The following GLP1R variants were observed in gnomAD, a reference collection of about 807,000 sequenced individuals.
GLP1R encodes glucagon-like peptide 1 receptor.
GLP1R carries 32 observed loss-of-function variants against 68.4 expected under a neutral mutation model. That is an observed-to-expected ratio of 0.47 (90% CI 0.35 to 0.63). The LOEUF (loss-of-function observed/expected upper bound fraction) is 0.63, where lower values mean the gene tolerates loss of function less well. Among genes scored for constraint, GLP1R ranks in the 20% least tolerant of loss-of-function variants. The pLI, the probability that GLP1R is intolerant of heterozygous loss-of-function variation, is 0.00. For missense variants in GLP1R, 502 were observed against 594.9 expected (o/e 0.84, Z 1.62); for synonymous variants, 263 against 244.4 (o/e 1.08, Z -0.71).
intron 12 of GLP1R, among the ~76,000 whole-genome samples, chr6:39,081,357 T>C (rs1769008807): frequency 6.6e-6 from 1 of 152,208 alleles, no homozygotes; most frequent in Non-Finnish European, 1.5e-5. Context: ...TACCCCATTC[T>C]TCATACACAC....
intron 4 of GLP1R, 36 bp from the exon 5 acceptor site, chr6:39,066,161 C>T (rs1484409411): frequency 2.5e-6 from 3 of 1,184,510 alleles, no homozygotes; most frequent in South Asian, 1.3e-5. Context: ...GGGCCATGGG[C>T]TGCCCATGTA....
Position 39,086,437 on chromosome 6 carries a change from T to TCAA in GLP1R, c.*366_*368dup, listed in dbSNP as rs1292884736. On this transcript the variant is annotated 3_prime_UTR_variant, in exon 13 of 13. Transcript: ENST00000373256. This position sits in a 1 kb window ranked among gnomAD's most constrained non-coding sequence, Gnocchi z 4.5. ...ATCAACCCCAGACTCAAACTCAAGG[T>TCAA]CAACGGCTTATTAGTGAAACTGGGG... 5.2e-6 allele frequency: 1 copy of TCAA among 192,970 alleles called. No individual in the cohort carries two copies. Among genetic ancestry groups the TCAA allele is most frequent in the African/African-American group, 2.3e-5 (1 of 42,896 alleles). The allele number at this position is 192,970 out of a possible 1,614,324, so 12.0% of individuals were successfully genotyped here.
intron 1 of GLP1R, among the ~76,000 whole-genome samples, chr6:39,055,305 T>C (rs967260076): frequency 2.0e-5 from 3 of 152,270 alleles, no homozygotes; most frequent in Non-Finnish European, 1.5e-5. Flanking sequence ...TTTTAAATTA[T>C]GTATGGGTCC....
chr6:39,065,805 C>T lies in GLP1R; in HGVS notation c.378C>T (p.Cys126=), dbSNP rs762900692. The T allele has an allele frequency of 6.2e-6, 10 of 1,604,088 alleles. No homozygotes were observed. The highest frequency in any genetic ancestry group is 3.4e-5 in the South Asian group (3 of 89,124). The part of the protein sequence containing the change: ...SSLPWRDLSE[C]EESKRGERSS... ...TGCCCTGGAGGGACTTGTCGGAGTG[C>T]GAGGAGTCCAAGCGAGGGGAAAGAG... Residue 126 remains cysteine, a synonymous_variant, in exon 4 of 13, where the codon TGC becomes TGT. Coordinates refer to ENST00000373256, the MANE Select transcript of GLP1R (RefSeq NM_002062.5).
intron 1 of GLP1R, among the ~76,000 whole-genome samples, chr6:39,055,220 G>T (rs1183860433): frequency 1.3e-5 from 2 of 152,218 alleles, no homozygotes; most frequent in African/African-American, 4.8e-5. Context: ...AGGCAAGGGG[G>T]CAAGCTTCTA....
At chr6:39,066,378 A>C (rs1435492766) in intron 5 of GLP1R, 75 bp downstream of exon 5, 4 of 776,990 alleles carry the variant, frequency 5.1e-6, no homozygotes, top group Non-Finnish European at 8.9e-6. Context: ...GCAGCCCAAC[A>C]CCAAATCAAA....
At chr6:39,056,308 A>C in intron 1 of GLP1R, 89 bp from the exon 2 acceptor site, 1 of 666,786 alleles carries the variant, frequency 1.5e-6, no homozygotes, top group Non-Finnish European at 2.7e-6. Context: ...GGTTTCATGG[A>C]GATTGAGAAA....
At chr6:39,066,171 A>G in intron 4 of GLP1R, 26 bp from the exon 5 acceptor site, 1 of 1,278,534 alleles carries the variant, frequency 7.8e-7, no homozygotes. Flanking sequence ...CTGCCCATGT[A>G]CACGTATGTC....
chr6:39,086,667 CTTTG>C lies in GLP1R; in HGVS notation c.*599_*602del, dbSNP rs1182577265. 2 of 152,802 alleles carry C rather than the reference CTTTG, an allele frequency of 1.3e-5. No individual in the cohort carries two copies. The highest frequency in any genetic ancestry group is 2.1e-4 in the South Asian group (1 of 4,828). 9.5% of individuals were successfully genotyped at this position (152,802 alleles called of 1,614,324 possible). On this transcript the variant is annotated 3_prime_UTR_variant, in exon 13 of 13. Transcript: ENST00000373256. This position sits in a 1 kb window ranked among gnomAD's most constrained non-coding sequence, Gnocchi z 4.5. ...CACTGCCCAGTTTCTTTTTGAGGGG[CTTTG>C]TTTGGGCCACTGCCAGCAGCTGTTT... is the stretch of plus-strand genomic sequence containing the variant.
At chr6:39,066,975 A>G (rs1383547732) in intron 5 of GLP1R, among the ~76,000 whole-genome samples, 1 of 152,176 alleles carries the variant, frequency 6.6e-6, no homozygotes, top group Non-Finnish European at 1.5e-5. Flanking sequence ...CAATAAATGC[A>G]TTCACTCAAT....
At position 39,089,324 on chromosome 6, in the gene GLP1R, A is replaced by G. The variant is rs1769220868; in HGVS notation, c.*3251A>G. 6.6e-6 allele frequency among the ~76,000 whole-genome samples: 1 copy of G among 152,060 alleles called. No homozygotes were observed. Among genetic ancestry groups the G allele is most frequent in the Non-Finnish European group, 1.5e-5 (1 of 68,010 alleles). On this transcript the variant is annotated 3_prime_UTR_variant, in exon 13 of 13. Coordinates refer to ENST00000373256, the MANE Select transcript of GLP1R (RefSeq NM_002062.5). This position sits in a 1 kb window ranked among gnomAD's most constrained non-coding sequence, Gnocchi z 4.1. ...CCTCTCTATGTGTTTGAAAAGTTGTATTGATAGTCACACAGAGTGTACTAA... is the reference window on the plus strand; with the variant it reads ...CCTCTCTATGTGTTTGAAAAGTTGTGTTGATAGTCACACAGAGTGTACTAA...
At chr6:39,053,917 A>G (rs1241072471) in intron 1 of GLP1R, among the ~76,000 whole-genome samples, 1 of 152,024 alleles carries the variant, frequency 6.6e-6, no homozygotes, top group Admixed American at 6.5e-5. Context: ...AATCCTCCTG[A>G]TAACAGTCCA....
intron 7 of GLP1R, among the ~76,000 whole-genome samples, chr6:39,074,082 T>C (rs2150832861): frequency 6.6e-6 from 1 of 152,200 alleles, no homozygotes. Context: ...CATGGGGACA[T>C]AAGTTCACAC....
chr6:39,057,413 G>A (rs947666857), intron 2 of GLP1R, 59 bp from the exon 3 acceptor site: 127 of 1,102,842 alleles, frequency 1.2e-4, no homozygotes, highest in South Asian at 5.2e-4. Flanking sequence ...GGGGAAGGGA[G>A]GGAAAGGGCC....
rs550259934 is a variant in GLP1R, at chr6:39,049,061, G to A, written c.78+143G>A. 6.3e-6 allele frequency: 3 copies of A among 475,284 alleles called. No homozygotes were observed. Among genetic ancestry groups the A allele is most frequent in the Admixed American group, 4.3e-5 (1 of 23,110 alleles). 29.4% of individuals were successfully genotyped at this position (475,284 alleles called of 1,614,324 possible). On this transcript the variant is annotated intron_variant, in intron 1 of 12. Transcript: ENST00000373256. The surrounding 1 kb of genome is among the most constrained non-coding windows in gnomAD (Gnocchi z 4.5). ...GCATCCGAAAGCCTCGGGGGGAGTA[G>A]GGACTGGAGACTTGGTGCCCCTGGG...
Position 39,072,078 on chromosome 6 carries a change from CATACTT to C in GLP1R, c.510-781_510-776del, listed in dbSNP as rs1768684954. Among the ~76,000 whole-genome samples, 3 of 152,304 alleles carry C rather than the reference CATACTT, an allele frequency of 2.0e-5. No homozygotes were observed. In the South Asian group the frequency reaches 6.2e-4, roughly 32 times the overall value. ...TTTTTTTAACGCAGGCATATACAAA[CATACTT>C]ATCAGCAACCTTGCTAAACTGTCTT... On this transcript the variant is annotated intron_variant, in intron 5 of 12. Coordinates refer to ENST00000373256, the MANE Select transcript of GLP1R (RefSeq NM_002062.5).
chr6:39,067,720 A>T (rs780080217), intron 5 of GLP1R, among the ~76,000 whole-genome samples: 4 of 152,196 alleles, frequency 2.6e-5, no homozygotes, highest in Non-Finnish European at 5.9e-5. Flanking sequence ...TTTAATCCCA[A>T]TGGCTCCAAA....
Position 39,066,281 on chromosome 6 carries a change from TCTG to T in GLP1R, c.489_491del (p.Ala164del). 1 of 1,607,660 alleles carries T rather than the reference TCTG, an allele frequency of 6.2e-7. No individual in the cohort carries two copies. The highest frequency in any genetic ancestry group is 8.5e-7 in the Non-Finnish European group (1 of 1,174,194). ...CTCCTTCTCTGCTCTGGTTATCGCC[TCTG>T]CGATCCTCCTCGGCTTCAGGTAAGG... On this transcript the variant is annotated inframe_deletion, in exon 5 of 13. Transcript: ENST00000373256.
intron 1 of GLP1R, among the ~76,000 whole-genome samples, chr6:39,055,897 CT>C (rs1261720094): frequency 6.6e-6 from 1 of 152,000 alleles, no homozygotes; most frequent in East Asian, 2.0e-4. Context: ...AGATTCTAGC[CT>C]TAACTCTGCT....
Sources: allele counts gnomAD v4.1 joint callset (sites outside exome capture counted in the v4.1 genomes callset), GRCh38; gene constraint gnomAD v4.1.1; non-coding constraint Gnocchi (gnomAD v3.1); transcripts MANE v1.5; gene names NCBI Gene and HGNC (gene_info 2026-07-23, HGNC 2026-07-21).